The following NCOR2 variants were observed in gnomAD, a reference collection of about 807,000 sequenced individuals.
The protein encoded by NCOR2 is CTG repeat protein 26.
A neutral mutation model predicts 262.9 loss-of-function variants in NCOR2; 81 were observed. The ratio of observed to expected loss-of-function variants is 0.31; its 90% CI spans 0.26 to 0.37. The LOEUF (loss-of-function observed/expected upper bound fraction) is 0.37, where lower values mean the gene tolerates loss of function less well. Among genes scored for constraint, NCOR2 ranks in the 10% least tolerant of loss-of-function variants. The probability of loss-of-function intolerance (pLI) is 1.00; values close to 1 mark genes in which losing one functional copy is unlikely to be tolerated. For synonymous variants in NCOR2, 1,659 were observed against 1,559.3 expected, an observed-to-expected ratio of 1.06 and a Z score of -1.51; for missense variants, 3,385 against 3,621.4, an observed-to-expected ratio of 0.93 and a Z score of 1.68.
intron 12 of NCOR2, among the ~76,000 whole-genome samples, 157 bp from the exon 15 acceptor site, chr12:124,420,212 T>C (rs561803114): frequency 6.6e-6 from 1 of 152,336 alleles, no homozygotes; most frequent in Non-Finnish European, 1.5e-5. Context: ...AGTTTTCTCA[T>C]CTGTAAAATG....
At chr12:124,460,542 C>T (rs1381229375) in intron 5 of NCOR2, among the ~76,000 whole-genome samples, 1 of 152,214 alleles carries the variant, frequency 6.6e-6, no homozygotes, top group African/African-American at 2.4e-5. Context: ...CCCGGATGTG[C>T]CTGGCCTTTC....
intron 13 of NCOR2, among the ~76,000 whole-genome samples, chr12:124,419,450 GTAAA>G (rs1565926018): frequency 6.6e-6 from 1 of 152,184 alleles, no homozygotes; most frequent in Non-Finnish European, 1.5e-5. Flanking sequence ...CTGCTCTAGC[GTAAA>G]TAATCTTTCA....
chr12:124,442,875 G>T (rs1180706913), intron 7 of NCOR2, among the ~76,000 whole-genome samples: 1 of 152,160 alleles, frequency 6.6e-6, no homozygotes, highest in Non-Finnish European at 1.5e-5. Context: ...TGGACAAAAA[G>T]ACAGACACAC....
intron 1 of NCOR2, chr12:124,562,398 G>C (rs2052101687): frequency 1.3e-5 from 2 of 152,204 alleles, no homozygotes; most frequent in African/African-American, 2.4e-5. Context: ...ACCAAGGCCA[G>C]AAGGTCAGAG....
intron 1 of NCOR2, among the ~76,000 whole-genome samples, chr12:124,565,921 C>T (rs1240890484): frequency 6.6e-6 from 1 of 152,172 alleles, no homozygotes; most frequent in Non-Finnish European, 1.5e-5. Flanking sequence ...CTCAGCACCC[C>T]CAAAGAGGCC....
chr12:124,357,997 T>G (rs145270161), intron 22 of NCOR2, among the ~76,000 whole-genome samples: 36 of 149,810 alleles, frequency 2.4e-4, no homozygotes, highest in East Asian at 1.0e-3. Flanking sequence ...TAACCTGTGG[T>G]GTGTGTGTGT....
intron 1 of NCOR2, among the ~76,000 whole-genome samples, chr12:124,508,000 T>C (rs1212279554): frequency 6.6e-6 from 1 of 152,242 alleles, no homozygotes; most frequent in Non-Finnish European, 1.5e-5. Context: ...GGTAGATCCC[T>C]GGAGGCATCC....
At chr12:124,331,121 T>C (rs538495019) in intron 43 of NCOR2, among the ~76,000 whole-genome samples, 3 of 150,602 alleles carry the variant, frequency 2.0e-5, no homozygotes, top group South Asian at 4.2e-4. Flanking sequence ...GGAGTGCAGT[T>C]GTGCAATCTC....
upstream of NCOR2, among the ~76,000 whole-genome samples, chr12:124,498,058 T>C (rs1565998582): frequency 1.3e-5 from 2 of 152,162 alleles, no homozygotes; most frequent in Non-Finnish European, 2.9e-5. Context: ...TGCTAAACAG[T>C]TCCCGGTCTC....
intron 16 of NCOR2, among the ~76,000 whole-genome samples, chr12:124,395,121 G>A (rs1322631513): frequency 6.6e-6 from 1 of 152,196 alleles, no homozygotes; most frequent in Non-Finnish European, 1.5e-5. Context: ...ATTCCTGAGT[G>A]CCCCTGCCAC....
At chr12:124,567,080 G>T (rs992843515) in intron 1 of NCOR2, among the ~76,000 whole-genome samples, 1 of 133,758 alleles carries the variant, frequency 7.5e-6, no homozygotes, top group Non-Finnish European at 1.6e-5. Context: ...CCGCCCCCTC[G>T]CTAGGGAGCT....
chr12:124,499,792 G>A (rs1451535579), upstream of NCOR2, among the ~76,000 whole-genome samples: 1 of 152,180 alleles, frequency 6.6e-6, no homozygotes, highest in Non-Finnish European at 1.5e-5. Context: ...GTGGTTGCGG[G>A]GGAGAGTAAA....
In NCOR2 at chr12:124,332,762, G is replaced by A. The variant is rs552601212; in HGVS notation, c.6756-295C>T. Among the ~76,000 whole-genome samples, 11 of 152,236 alleles carry A rather than the reference G, an allele frequency of 7.2e-5. No individual in the cohort carries two copies. The South Asian group carries it at 1.2e-3, about 17-fold the overall frequency. ...GCCCCAAGGACTGAAATTGGGTTCC[G>A]ATCATGCCCTTCCCCAGGGGCAGCG... On this transcript the variant is annotated intron_variant, in intron 42 of 46. Coordinates refer to ENST00000405201, the Ensembl canonical transcript of NCOR2.
chr12:124,401,869 C>G (rs536885949), intron 14 of NCOR2, among the ~76,000 whole-genome samples: 1 of 152,350 alleles, frequency 6.6e-6, no homozygotes, highest in Non-Finnish European at 1.5e-5. Context: ...CCCCCTTTCT[C>G]CAGCTGGCTG....
chr12:124,479,078 C>T (rs1473355070), intron 3 of NCOR2, among the ~76,000 whole-genome samples: 1 of 152,040 alleles, frequency 6.6e-6, no homozygotes, highest in Non-Finnish European at 1.5e-5. Flanking sequence ...AGCGCACGGA[C>T]GTGCTGGAGA....
intron 1 of NCOR2, among the ~76,000 whole-genome samples, chr12:124,508,528 C>T (rs997966945): frequency 6.6e-6 from 1 of 152,202 alleles, no homozygotes. Flanking sequence ...CAGGCAGGCA[C>T]CACGCCGAGG....
chr12:124,400,686 G>A lies in NCOR2; in HGVS notation c.1641-13C>T. The A allele has an allele frequency of 1.2e-6, 2 of 1,612,288 alleles. No individual in the cohort carries two copies. Among genetic ancestry groups the A allele is most frequent in the Non-Finnish European group, 1.7e-6 (2 of 1,178,586 alleles). ...GTCTGTCTTCTCCCTACAGGCCAGAGAGGGGAGATAGGATGGCTTCACCCG... is the reference window on the plus strand; with the variant it reads ...GTCTGTCTTCTCCCTACAGGCCAGAAAGGGGAGATAGGATGGCTTCACCCG... On this transcript the variant is annotated splice_polypyrimidine_tract_variant and intron_variant, in intron 14 of 46. Coordinates refer to ENST00000405201, the Ensembl canonical transcript of NCOR2.
intron 32 of NCOR2, 132 bp downstream of exon 34, chr12:124,344,465 A>G: frequency 1.2e-6 from 1 of 822,576 alleles, no homozygotes; most frequent in Non-Finnish European, 1.8e-6. Context: ...ACGGGCCTGC[A>G]GGTGGTTTGG....
intron 1 of NCOR2, among the ~76,000 whole-genome samples, chr12:124,501,084 A>G (rs1277174763): frequency 1.8e-4 from 27 of 151,394 alleles, no homozygotes; most frequent in South Asian, 4.2e-4. Context: ...ACACACACAC[A>G]CACACACACA....
Sources: allele counts gnomAD v4.1 joint callset (sites outside exome capture counted in the v4.1 genomes callset), GRCh38; gene constraint gnomAD v4.1.1; transcripts MANE v1.5; gene names NCBI Gene and HGNC (gene_info 2026-07-23, HGNC 2026-07-21).